WNT3: variants seen among roughly 807,000 people sequenced by gnomAD.
WNT3 encodes the protein Wnt family member 3, also known as proto-oncogene Wnt-3.
WNT3 carries 7 observed loss-of-function variants against 34.2 expected under a neutral mutation model. The observed-to-expected ratio is 0.20, with a 90% confidence interval of 0.12 to 0.38. The LOEUF (loss-of-function observed/expected upper bound fraction) is 0.38. Among genes scored for constraint, WNT3 ranks in the 10% least tolerant of loss-of-function variants. WNT3 has a pLI of 1.00. For synonymous variants in WNT3, 212 were observed against 211.5 expected, an observed-to-expected ratio of 1.00 and a Z score of -0.02; for missense variants, 267 against 499.8, an observed-to-expected ratio of 0.53 and a Z score of 4.44.
chr17:46,766,216 C>T (rs1045663962), intron 4 of WNT3, among the ~76,000 whole-genome samples: 2 of 152,136 alleles, frequency 1.3e-5, no homozygotes, highest in Non-Finnish European at 2.9e-5. Flanking sequence ...CAAGACCAGC[C>T]TGGCCAGCAT....
chr17:46,788,796 C>G (rs997113751), intron 1 of WNT3, among the ~76,000 whole-genome samples: 3 of 152,176 alleles, frequency 2.0e-5, no homozygotes, highest in Admixed American at 6.5e-5. Flanking sequence ...AGCAGCCCCA[C>G]TGAGTGCCCA....
In WNT3 at chr17:46,769,917, C is replaced by T; in HGVS notation, c.454G>A (p.Gly152Ser). 6.2e-7 allele frequency: 1 copy of T among 1,613,568 alleles called. No individual in the cohort carries two copies. Reference protein sequence around the residue: ...DSHHKGPPGEGWKWGGCSEDA... With the variant: ...DSHHKGPPGESWKWGGCSEDA... ...TCGCTGCAGCCGCCCCACTTCCAGC[C>T]TTCGCCAGGCGGCCCCTTATGATGC... The change falls in exon 3 of 5, where the codon GGC becomes AGC. Residue 152 changes from glycine (G) to serine (S), a missense_variant. Around this residue, in one of 3 missense-constraint regions of WNT3, gnomAD observed 181 missense variants for 391.3 expected, o/e 0.46. Transcript: ENST00000225512.
At chr17:46,777,327 G>A (rs559021728) in intron 1 of WNT3, among the ~76,000 whole-genome samples, 9 of 152,366 alleles carry the variant, frequency 5.9e-5, no homozygotes, top group East Asian at 1.9e-4. Context: ...CTGAGGAGTC[G>A]GGGGGCCCAT....
At chr17:46,769,691 T>A (rs891209750) in intron 3 of WNT3, 92 bp downstream of exon 3, 2 of 1,547,476 alleles carry the variant, frequency 1.3e-6, no homozygotes, top group Admixed American at 1.8e-5. Context: ...CCCACAGGGC[T>A]GCCGGAAGGG....
At chr17:46,779,460 CT>C (rs1265099269) in intron 1 of WNT3, among the ~76,000 whole-genome samples, 1 of 152,122 alleles carries the variant, frequency 6.6e-6, no homozygotes, top group Non-Finnish European at 1.5e-5. Flanking sequence ...CCCTGCCACC[CT>C]CCTCCTGAAG....
chr17:46,769,823 C>G lies in WNT3; in HGVS notation c.548G>C (p.Arg183Pro). 6.2e-7 allele frequency: 1 copy of G among 1,612,952 alleles called. No individual in the cohort carries two copies. The highest frequency in any genetic ancestry group is 8.5e-7 in the Non-Finnish European group (1 of 1,179,878). Residue 183 changes from arginine (R) to proline (P), a missense_variant, in exon 3 of 5, where the codon CGC (arginine) becomes CCC (proline). Physicochemically the swap from Arg to Pro is moderately radical, Grantham distance 103. Coordinates refer to ENST00000225512, the MANE Select transcript of WNT3 (RefSeq NM_030753.5). Reference protein sequence around the residue: ...ADARENRPDARSAMNKHNNEA... With the variant: ...ADARENRPDAPSAMNKHNNEA... ...GTTGTTGTGCTTGTTCATGGCCGAG[C>G]GCGCGTCCGGCCTGTTCTCGCGCGC...
intron 1 of WNT3, among the ~76,000 whole-genome samples, chr17:46,812,460 G>T (rs2084289279): frequency 1.3e-5 from 2 of 152,182 alleles, no homozygotes; most frequent in Admixed American, 1.3e-4. Flanking sequence ...TGCTCAGGCT[G>T]CTCTGGGCGG....
intron 1 of WNT3, among the ~76,000 whole-genome samples, chr17:46,804,422 C>T (rs374191968): frequency 1.3e-5 from 2 of 152,076 alleles, no homozygotes; most frequent in Non-Finnish European, 2.9e-5. Context: ...ATGTGTTTTC[C>T]GTCATAAGCC....
intron 1 of WNT3, among the ~76,000 whole-genome samples, chr17:46,805,948 C>T (rs945632078): frequency 1.1e-4 from 17 of 152,190 alleles, no homozygotes; most frequent in Non-Finnish European, 2.4e-4. Context: ...ATGGAGCCTT[C>T]GGCAATGGAA....
chr17:46,809,510 C>T (rs2084243407), intron 1 of WNT3, among the ~76,000 whole-genome samples: 1 of 152,202 alleles, frequency 6.6e-6, no homozygotes, highest in Non-Finnish European at 1.5e-5. Flanking sequence ...CGCAGTTTTT[C>T]CAGCCGAGCT....
In WNT3 at chr17:46,768,007, C is replaced by T. The variant is rs2059329123; in HGVS notation, c.*8+305G>A. On this transcript the variant is annotated intron_variant, in intron 4 of 4. Coordinates refer to ENST00000225512, the MANE Select transcript of WNT3 (RefSeq NM_030753.5). The surrounding 1 kb of genome is among the most constrained non-coding windows in gnomAD (Gnocchi z 5.0). Reference sequence around the variant, plus strand: ...TTCACCATGTTGGCCAGGCCGGTCTCGAACTCCTGACCTCAGGTGATCCGT... The same window carrying T: ...TTCACCATGTTGGCCAGGCCGGTCTTGAACTCCTGACCTCAGGTGATCCGT... Among the ~76,000 whole-genome samples, 2 of 152,160 alleles carry T rather than the reference C, an allele frequency of 1.3e-5. No homozygotes were observed. The highest frequency in any genetic ancestry group is 1.3e-4 in the Admixed American group (2 of 15,272).
chr17:46,797,945 T>G (rs1257619900), intron 1 of WNT3, among the ~76,000 whole-genome samples: 1 of 152,156 alleles, frequency 6.6e-6, no homozygotes, highest in African/African-American at 2.4e-5. Flanking sequence ...GTTTGTTGGT[T>G]TTTTGTTTTT....
intron 1 of WNT3, among the ~76,000 whole-genome samples, chr17:46,786,447 T>C (rs2059507274): frequency 6.6e-6 from 1 of 152,130 alleles, no homozygotes; most frequent in Admixed American, 6.5e-5. Context: ...CAGAGGGGTG[T>C]CCAGAGACGG....
intron 1 of WNT3, among the ~76,000 whole-genome samples, chr17:46,793,235 T>A (rs563892883): frequency 1.5e-5 from 2 of 129,910 alleles, no homozygotes; most frequent in Admixed American, 1.8e-4. Context: ...GATCGAGCCA[T>A]TTTACTCTAG....
chr17:46,808,209 G>T (rs1005045774), intron 1 of WNT3, among the ~76,000 whole-genome samples: 2 of 152,206 alleles, frequency 1.3e-5, no homozygotes, highest in Non-Finnish European at 1.5e-5. Flanking sequence ...CATCCCAGGG[G>T]CAACAAAATC....
rs2084381133 is a variant in WNT3, at chr17:46,818,395, G to A, written c.80+123C>T. ...AATCCAGGAGGGGTGGGCGGGTGGG[G>A]GGCTGGAGGGAGGCGAGGAGAGGAG... On this transcript the variant is annotated intron_variant, in intron 1 of 4. Transcript: ENST00000225512. The A allele has an allele frequency of 3.9e-5, 37 of 953,448 alleles. No individual in the cohort carries two copies. The South Asian group carries it at 5.2e-4, about 13-fold the overall frequency. The allele number at this position is 953,448 out of a possible 1,614,324, so 59.1% of individuals were successfully genotyped here.
Position 46,762,936 on chromosome 17 carries a change from A to T in WNT3, c.*1694T>A, listed in dbSNP as rs1026165672. Reference sequence around the variant, plus strand: ...CATTCTGCTGAAGTATTCTCACATAAAGCAAGTATTATCCAGTTGACATGA... The same window carrying T: ...CATTCTGCTGAAGTATTCTCACATATAGCAAGTATTATCCAGTTGACATGA... On this transcript the variant is annotated 3_prime_UTR_variant, in exon 5 of 5. Coordinates refer to ENST00000225512, the MANE Select transcript of WNT3 (RefSeq NM_030753.5). 6.6e-6 allele frequency: 1 copy of T among 152,246 alleles called. No homozygotes were observed. Among genetic ancestry groups the T allele is most frequent in the Non-Finnish European group, 1.5e-5 (1 of 68,046 alleles). The allele number at this position is 152,246 out of a possible 1,614,324, so 9.4% of individuals were successfully genotyped here. A position where few individuals can be genotyped will look rare whatever the true frequency, so the allele number is the denominator to read the frequency against.
At chr17:46,791,346 G>C (rs2083984105) in intron 1 of WNT3, among the ~76,000 whole-genome samples, 1 of 152,042 alleles carries the variant, frequency 6.6e-6, no homozygotes, top group African/African-American at 2.4e-5. Flanking sequence ...TGGGATTACA[G>C]ACGAGGACCA....
intron 1 of WNT3, among the ~76,000 whole-genome samples, chr17:46,798,544 T>C (rs575977557): frequency 1.3e-5 from 2 of 152,318 alleles, no homozygotes; most frequent in East Asian, 3.9e-4. Context: ...TCACCCTGAA[T>C]TCCTTCTCAG....
Sources: gnomAD v4.1 joint callset for allele counts (sites outside exome capture counted in the v4.1 genomes callset) on GRCh38, gnomAD v4.1.1 for gene constraint, gnomAD v4.1.1 regional missense constraint, Gnocchi (gnomAD v3.1) non-coding constraint, MANE v1.5 for transcripts, NCBI Gene and HGNC (gene_info 2026-07-23, HGNC 2026-07-21) for gene names.